Variants in PRKDC observed in about 807,000 individuals in gnomAD.
PRKDC encodes DNA-dependent protein kinase catalytic subunit.
Under a neutral mutation model 486.9 loss-of-function variants are expected in PRKDC, and 82 were observed. The observed-to-expected ratio is 0.17, with a 90% CI of 0.14 to 0.20. PRKDC has a LOEUF of 0.20. Ranked by LOEUF, PRKDC falls within the 10% of genes least tolerant of loss-of-function variation. PRKDC has a pLI of 1.00. For missense variants in PRKDC, 4,504 were observed against 5,038.2 expected (o/e 0.89, Z 3.21); for synonymous variants, 1,895 against 1,837.0 (o/e 1.03, Z -0.81).
At chr8:47,879,834 C>CAT (rs1554638091) in intron 38 of PRKDC, among the ~76,000 whole-genome samples, 176 bp from the exon 39 acceptor site, 1 of 99,202 alleles carries the variant, frequency 1.0e-5, no homozygotes, top group African/African-American at 4.1e-5. Context: ...TATACCTCAG[C>CAT]TTTTTTTTTT....
rs142380987 is a variant in PRKDC, at chr8:47,787,245, T to C, written c.10902+1661A>G. Among the ~76,000 whole-genome samples the C allele has an allele frequency of 2.9e-3, 440 of 152,364 alleles. 3 individuals are homozygous for C. Among genetic ancestry groups the C allele is most frequent in the African/African-American group, 0.01 (431 of 41,592 alleles). On this transcript the variant is annotated intron_variant, in intron 76 of 85. Coordinates refer to ENST00000314191, the MANE Select transcript of PRKDC (RefSeq NM_006904.7). ...ATGTTTTTACCAAATTTGTAACTAA[T>C]GTCACAACATAAATCTGGTGTAAAT...
intron 35 of PRKDC, 64 bp from the exon 36 acceptor site, chr8:47,886,211 T>C: frequency 7.6e-7 from 1 of 1,321,038 alleles, no homozygotes; most frequent in South Asian, 1.7e-5. Flanking sequence ...AGAAAGACCC[T>C]TGGGCAACTG....
intron 35 of PRKDC, among the ~76,000 whole-genome samples, chr8:47,886,490 A>G (rs370093253): frequency 1.3e-5 from 2 of 151,726 alleles, no homozygotes; most frequent in African/African-American, 4.8e-5. Flanking sequence ...TCCTAGGTTC[A>G]AGCAATTCTC....
At chr8:47,838,071 G>A (rs190199483) in intron 56 of PRKDC, among the ~76,000 whole-genome samples, 29 of 152,264 alleles carry the variant, frequency 1.9e-4, no homozygotes, top group Admixed American at 1.7e-3. Flanking sequence ...AGGAGGCGGA[G>A]GTTGCAATGA....
At chr8:47,912,355 T>TA (rs2089918339) in intron 25 of PRKDC, 55 bp downstream of exon 25, 2 of 1,463,440 alleles carry the variant, frequency 1.4e-6, no homozygotes, top group African/African-American at 2.9e-5. Flanking sequence ...ACCACTGAAT[T>TA]AGACAAACCA....
chr8:47,950,669 T>C (rs2090613481), intron 7 of PRKDC, among the ~76,000 whole-genome samples: 1 of 151,380 alleles, frequency 6.6e-6, no homozygotes, highest in Admixed American at 6.6e-5. Flanking sequence ...AAAAGTTATA[T>C]TTGTCCTTTC....
rs749640597 is a variant in PRKDC at position 47,820,809 on chromosome 8, G to A, written c.9246C>T (p.Tyr3082=). The change falls in exon 66 of 86, where the codon TAC becomes TAT. Residue 3082 remains tyrosine (Y), a synonymous_variant. Coordinates refer to ENST00000314191, the MANE Select transcript of PRKDC (RefSeq NM_006904.7). ...GGTAAAGCAGACTCAGCTCTTGACT[G>A]TAATGAAGCTCTAGAATCGCCTTCT... The part of the protein sequence containing the change: ...ELQKAILELH[Y]SQELSLLYLL... The A allele has an allele frequency of 3.1e-6, 5 of 1,613,300 alleles. No individual in the cohort carries two copies. Among genetic ancestry groups the A allele is most frequent in the Non-Finnish European group, 3.4e-6 (4 of 1,179,506 alleles).
chr8:47,857,361 C>G (rs965282531), intron 48 of PRKDC, 62 bp from the exon 49 acceptor site: 2 of 1,510,498 alleles, frequency 1.3e-6, no homozygotes, highest in Non-Finnish European at 1.8e-6. Flanking sequence ...AATATTAATA[C>G]AAGACTGTAT....
intron 17 of PRKDC, 136 bp from the exon 18 acceptor site, chr8:47,930,148 T>A (rs1283521164): frequency 2.8e-6 from 2 of 702,942 alleles, no homozygotes; most frequent in African/African-American, 1.8e-5. Flanking sequence ...TTTAGTTATA[T>A]CTATAATCCA....
Position 47,836,415 on chromosome 8 carries a change from A to G in PRKDC, c.7874T>C (p.Leu2625Pro), listed in dbSNP as rs367587480. Residue 2625 changes from leucine (L) to proline (P), a missense_variant, in exon 58 of 86, where the codon CTC (leucine) becomes CCC (proline). Transcript: ENST00000314191. ...TLQTRTQEGS[L>P]SARWPVAGQI... ...CCCTGCCACTGGCCAGCGAGCTGAG[A>G]GGGACCCTTCCTGGGTACGGGTCTG... The G allele has an allele frequency of 1.3e-4, 202 of 1,612,710 alleles. No homozygotes were observed. The highest frequency in any genetic ancestry group is 2.3e-4 in the Admixed American group (14 of 59,822).
At chr8:47,909,019 G>A (rs967706804) in intron 25 of PRKDC, among the ~76,000 whole-genome samples, 6 of 152,016 alleles carry the variant, frequency 3.9e-5, no homozygotes, top group Admixed American at 3.3e-4. Context: ...CAAGAACTCC[G>A]CTGAGTCAGT....
chr8:47,819,350 A>G (rs2087529069), intron 67 of PRKDC, 52 bp downstream of exon 67: 2 of 1,214,330 alleles, frequency 1.6e-6, no homozygotes, highest in Non-Finnish European at 2.3e-6. Context: ...TTTAGATGCT[A>G]AAACTCTTCC....
intron 62 of PRKDC, 93 bp from the exon 63 acceptor site, chr8:47,826,954 ACCCAT>A: frequency 2.4e-6 from 3 of 1,248,416 alleles, no homozygotes; most frequent in Non-Finnish European, 3.3e-6. Flanking sequence ...CATAAAAGGT[ACCCAT>A]GTGGGTAGTG....
intron 52 of PRKDC, among the ~76,000 whole-genome samples, chr8:47,850,692 G>T (rs957076525): frequency 6.6e-6 from 1 of 152,196 alleles, no homozygotes; most frequent in Admixed American, 6.5e-5. Flanking sequence ...TCACAATCTA[G>T]CAAGTAAAGA....
At chr8:47,907,805 A>G (rs530313160) in intron 25 of PRKDC, among the ~76,000 whole-genome samples, 1 of 152,094 alleles carries the variant, frequency 6.6e-6, no homozygotes, top group Admixed American at 6.5e-5. Context: ...GTGTATATAC[A>G]CGTGTAAAAA....
chr8:47,956,140 T>C (rs1342972544), intron 3 of PRKDC, among the ~76,000 whole-genome samples, 192 bp from the exon 4 acceptor site: 1 of 151,898 alleles, frequency 6.6e-6, no homozygotes, highest in Non-Finnish European at 1.5e-5. Context: ...AGGTAGGCGA[T>C]CACCTGAGGT....
At chr8:47,949,780 C>T (rs781053049) in intron 7 of PRKDC, among the ~76,000 whole-genome samples, 4 of 151,774 alleles carry the variant, frequency 2.6e-5, no homozygotes, top group Non-Finnish European at 5.9e-5. Flanking sequence ...AGAGAAGACA[C>T]GAAGGAAAAT....
chr8:47,840,098 C>T lies in PRKDC; in HGVS notation c.7372G>A (p.Val2458Ile), dbSNP rs750283813. The change falls in exon 55 of 86, where the codon GTT becomes ATT. Residue 2458 changes from valine to isoleucine, a missense_variant. Val to Ile is a conservative substitution (Grantham distance 29, BLOSUM62 3). Transcript: ENST00000314191. ...PVELRELLNP[V>I]VEFVSHPSTT... ...GAAGGATGGGAAACGAATTCCACAA[C>T]GGGGTTCAGAAGTTCTCGGAGTTCT... The T allele has an allele frequency of 4.2e-5, 66 of 1,583,464 alleles. 1 individual carries two copies. The highest frequency in any genetic ancestry group is 1.8e-4 in the Admixed American group (10 of 54,812).
At position 47,887,541 on chromosome 8, in the gene PRKDC, T is replaced by G. The variant is rs544993943; in HGVS notation, c.4572+6A>C. On this transcript the variant is annotated splice_donor_region_variant and intron_variant, in intron 35 of 85. Transcript: ENST00000314191. The stretch of plus-strand genomic sequence containing the variant: ...GGAGTGCAGCATGCAGAGGCGTTTT[T>G]CCTACCAGTCCTCCAAAAGCAAAGG... 2.5e-5 allele frequency: 39 copies of G among 1,569,960 alleles called. No homozygotes were observed. The East Asian group carries it at 9.0e-4, about 36-fold the overall frequency.
Sources: gnomAD v4.1 joint callset for allele counts (sites outside exome capture counted in the v4.1 genomes callset) on GRCh38, gnomAD v4.1.1 for gene constraint, MANE v1.5 for transcripts, NCBI Gene and HGNC (gene_info 2026-07-23, HGNC 2026-07-21) for gene names.